PCDH9: variants seen among roughly 807,000 people sequenced by gnomAD.
PCDH9 encodes protocadherin-9.
Under a neutral mutation model 70.6 loss-of-function variants are expected in PCDH9, and 24 were observed. The observed-to-expected ratio is 0.34, with a 90% CI of 0.25 to 0.48. The LOEUF (loss-of-function observed/expected upper bound fraction) is 0.48. PCDH9 is among the 20% of genes least tolerant of loss of function. The pLI, the probability that PCDH9 is intolerant of heterozygous loss-of-function variation, is 0.99. For synonymous variants in PCDH9, 562 were observed against 558.5 expected, an observed-to-expected ratio of 1.01 and a Z score of -0.09; for missense variants, 1,281 against 1,503.6, an observed-to-expected ratio of 0.85 and a Z score of 2.45.
chr13:66,759,709 CT>C (rs145591628), intron 3 of PCDH9, among the ~76,000 whole-genome samples: 7 of 151,200 alleles, frequency 4.6e-5, no homozygotes, highest in Non-Finnish European at 8.9e-5. Context: ...CATTTTATAG[CT>C]TATAAAAACA....
intron 3 of PCDH9, 109 bp downstream of exon 3, chr13:66,903,395 A>G (rs963902954): frequency 2.2e-6 from 1 of 447,180 alleles, no homozygotes; most frequent in Non-Finnish European, 4.1e-6. Context: ...ATGTGACCAC[A>G]GAAGAGATGG....
chr13:66,708,736 A>G (rs2139124736), intron 3 of PCDH9, among the ~76,000 whole-genome samples: 1 of 152,188 alleles, frequency 6.6e-6, no homozygotes, highest in East Asian at 1.9e-4. Flanking sequence ...GTGATAGGAG[A>G]ATCAAATTTG....
At chr13:67,127,676 A>ATATATGTGTG (rs1555310054) in intron 2 of PCDH9, among the ~76,000 whole-genome samples, 1 of 145,490 alleles carries the variant, frequency 6.9e-6, no homozygotes, top group Non-Finnish European at 1.5e-5. Context: ...ATATATATAT[A>ATATATGTGTG]TGTGTGTGTG....
chr13:66,604,590 C>G (rs2077200271), intron 4 of PCDH9, among the ~76,000 whole-genome samples: 2 of 151,890 alleles, frequency 1.3e-5, no homozygotes, highest in South Asian at 4.1e-4. Flanking sequence ...TGCTAATGAC[C>G]ACTTGAGTGA....
At chr13:66,409,566 C>A (rs992791716) in intron 4 of PCDH9, among the ~76,000 whole-genome samples, 1 of 114,756 alleles carries the variant, frequency 8.7e-6, no homozygotes, top group Admixed American at 8.7e-5. Flanking sequence ...ATCTCTTTAT[C>A]CCTAGGTGTT....
intron 2 of PCDH9, among the ~76,000 whole-genome samples, chr13:67,074,030 TTCTATCTATCTATCTATCTATCTA>T (rs35805308): frequency 6.7e-6 from 1 of 148,920 alleles, no homozygotes; most frequent in African/African-American, 2.5e-5. Context: ...TGAGATGAAA[TTCTATCTATCTATCTATCTATCTA>T]TCTATCTATC....
chr13:66,877,840 T>G (rs1228930234), intron 3 of PCDH9, among the ~76,000 whole-genome samples: 1 of 152,212 alleles, frequency 6.6e-6, no homozygotes, highest in African/African-American at 2.4e-5. Context: ...TCTGGCACTG[T>G]ATTCTTTTGA....
intron 4 of PCDH9, among the ~76,000 whole-genome samples, chr13:66,346,006 C>A (rs1053063468): frequency 6.6e-6 from 1 of 152,138 alleles, no homozygotes; most frequent in Non-Finnish European, 1.5e-5. Context: ...TTAGTGTACT[C>A]TTTTCCTCGT....
chr13:67,013,033 T>G (rs1356795952), intron 2 of PCDH9, among the ~76,000 whole-genome samples: 2 of 151,938 alleles, frequency 1.3e-5, no homozygotes, highest in African/African-American at 4.8e-5. Context: ...CCATAAAAAT[T>G]GTGGCATAAC....
chr13:66,945,586 A>T (rs1198953880), intron 2 of PCDH9, among the ~76,000 whole-genome samples: 1 of 152,186 alleles, frequency 6.6e-6, no homozygotes, highest in Non-Finnish European at 1.5e-5. Context: ...TATAAAATGT[A>T]ACCATGTTCT....
chr13:67,014,667 A>G (rs1057218521), intron 2 of PCDH9, among the ~76,000 whole-genome samples: 3 of 152,054 alleles, frequency 2.0e-5, no homozygotes, highest in Non-Finnish European at 4.4e-5. Flanking sequence ...CTGTACCACT[A>G]TTAACTGACT....
chr13:66,596,321 C>T (rs556123888), intron 4 of PCDH9, among the ~76,000 whole-genome samples: 86 of 151,728 alleles, frequency 5.7e-4, no homozygotes, highest in African/African-American at 2.0e-3. Context: ...TTAATGAATA[C>T]ATAATCAAAT....
At chr13:66,534,443 T>G (rs148047510) in intron 4 of PCDH9, among the ~76,000 whole-genome samples, 1 of 152,092 alleles carries the variant, frequency 6.6e-6, no homozygotes, top group Admixed American at 6.6e-5. Flanking sequence ...CTGATTTATC[T>G]TTGTATCCCC....
In PCDH9 at chr13:66,615,794, T is replaced by C. The variant is rs371852595; in HGVS notation, c.3340+15416A>G. On this transcript the variant is annotated intron_variant, in intron 4 of 4. Coordinates refer to ENST00000377865, the MANE Select transcript of PCDH9 (RefSeq NM_203487.3). ...TCAAGGAAACCTATTTTGAACTATT[T>C]ATGGCCTTTAATAATTAAATAAGGC... Among the ~76,000 whole-genome samples the C allele has an allele frequency of 3.1e-3, 465 of 152,376 alleles. 2 individuals are homozygous for C. Among genetic ancestry groups the C allele is most frequent in the African/African-American group, 0.011 (441 of 41,600 alleles).
chr13:66,532,477 A>G lies in PCDH9; in HGVS notation c.3340+98733T>C, dbSNP rs1449256538. Among the ~76,000 whole-genome samples the G allele has an allele frequency of 2.0e-5, 3 of 152,302 alleles. No individual in the cohort carries two copies. The East Asian group carries it at 5.8e-4, about 29-fold the overall frequency. On this transcript the variant is annotated intron_variant, in intron 4 of 4. Coordinates refer to ENST00000377865, the MANE Select transcript of PCDH9 (RefSeq NM_203487.3). ...TGGAGAAGCAAAAACTAAATATTTA[A>G]ACAAAAATTCTTGGCAATGAATCGA...
At chr13:66,845,609 C>A (rs1271126365) in intron 3 of PCDH9, among the ~76,000 whole-genome samples, 1 of 152,158 alleles carries the variant, frequency 6.6e-6, no homozygotes, top group African/African-American at 2.4e-5. Flanking sequence ...GGATCCACAG[C>A]GCTAGCTTGG....
At chr13:66,899,426 T>C (rs1449782724) in intron 3 of PCDH9, among the ~76,000 whole-genome samples, 1 of 151,984 alleles carries the variant, frequency 6.6e-6, no homozygotes, top group East Asian at 1.9e-4. Context: ...TGACACTGAT[T>C]TTCGGATTTC....
At chr13:66,420,646 A>G (rs1426073547) in intron 4 of PCDH9, among the ~76,000 whole-genome samples, 1 of 152,174 alleles carries the variant, frequency 6.6e-6, no homozygotes, top group Non-Finnish European at 1.5e-5. Flanking sequence ...CAATATCAAC[A>G]AAAAGGATGA....
rs1365645083 is a variant in PCDH9 at position 66,845,987 on chromosome 13, G to T, written c.3138+57517C>A. Among the ~76,000 whole-genome samples, 6 of 152,072 alleles carry T rather than the reference G, an allele frequency of 3.9e-5. No homozygotes were observed. The East Asian group carries it at 1.2e-3, about 29-fold the overall frequency. On this transcript the variant is annotated intron_variant, in intron 3 of 4. Coordinates refer to ENST00000377865, the MANE Select transcript of PCDH9 (RefSeq NM_203487.3). ...TATGTATTTACATACTTCAAGTGGGGATCAGTACAATGATAGCTGATAATG... is the reference window on the plus strand; with the variant it reads ...TATGTATTTACATACTTCAAGTGGGTATCAGTACAATGATAGCTGATAATG...
Sources: gnomAD v4.1 joint callset for allele counts (sites outside exome capture counted in the v4.1 genomes callset) on GRCh38, gnomAD v4.1.1 for gene constraint, MANE v1.5 for transcripts, NCBI Gene and HGNC (gene_info 2026-07-23, HGNC 2026-07-21) for gene names.